The following DIP2A variants were observed in gnomAD, a reference collection of about 807,000 sequenced individuals.
DIP2A encodes disco-interacting protein 2 homolog A.
In DIP2A, 85 loss-of-function variants were observed where a neutral mutation model predicts 177.4. That is an observed-to-expected ratio of 0.48 (90% CI 0.40 to 0.57). The LOEUF (loss-of-function observed/expected upper bound fraction) is 0.57. Among genes scored for constraint, DIP2A ranks in the 20% least tolerant of loss-of-function variants. DIP2A has a pLI of 0.00. For missense variants in DIP2A, 1,791 were observed against 2,100.2 expected (o/e 0.85, Z 2.88); for synonymous variants, 886 against 881.8 (o/e 1.00, Z -0.08).
chr21:46,572,107 T>C (rs1041597553), downstream of DIP2A, among the ~76,000 whole-genome samples: 2 of 152,184 alleles, frequency 1.3e-5, no homozygotes, highest in African/African-American at 4.8e-5. Context: ...GGTTTTAGCT[T>C]TTAATAATAA....
Position 46,551,909 on chromosome 21 carries a change from G to C in DIP2A, c.3030+5G>C. ...TTCTTGCTGCTGAACGCCAAGGTGA[G>C]GCAGTGTCACGCCCACGGGGCTTGG... is the stretch of plus-strand genomic sequence containing the variant. On this transcript the variant is annotated splice_donor_5th_base_variant and intron_variant, in intron 25 of 37. Coordinates refer to ENST00000417564, the MANE Select transcript of DIP2A (RefSeq NM_015151.4). 6.3e-7 allele frequency: 1 copy of C among 1,597,976 alleles called. No homozygotes were observed. Among genetic ancestry groups the C allele is most frequent in the Non-Finnish European group, 8.5e-7 (1 of 1,173,470 alleles).
intron 20 of DIP2A, among the ~76,000 whole-genome samples, chr21:46,546,489 C>A (rs1261387407): frequency 6.6e-6 from 1 of 152,180 alleles, no homozygotes; most frequent in Non-Finnish European, 1.5e-5. Context: ...CAGGACAGCA[C>A]CTGCGATGGT....
At chr21:46,528,514 C>G (rs2839301) in intron 8 of DIP2A, among the ~76,000 whole-genome samples, 38,004 of 98,986 alleles carry the variant, frequency 0.38, 5,995 homozygotes, top group Middle Eastern at 0.55. Flanking sequence ...CAAATACTGA[C>G]TTTTTCTGCT....
intron 18 of DIP2A, 62 bp from the exon 19 acceptor site, chr21:46,545,075 T>C: frequency 4.0e-6 from 6 of 1,485,398 alleles, no homozygotes; most frequent in Non-Finnish European, 5.5e-6. Flanking sequence ...AGCAAGGAGA[T>C]CTTTGTGAGT....
chr21:46,463,991 A>G (rs973002906), intron 1 of DIP2A, among the ~76,000 whole-genome samples: 1 of 151,070 alleles, frequency 6.6e-6, no homozygotes, highest in Non-Finnish European at 1.5e-5. Flanking sequence ...TACAGGCATG[A>G]GCCATCGCGC....
At chr21:46,562,904 G>A (rs1045076622) in intron 34 of DIP2A, among the ~76,000 whole-genome samples, 3 of 152,124 alleles carry the variant, frequency 2.0e-5, no homozygotes, top group Non-Finnish European at 4.4e-5. Context: ...ATCATCCTTG[G>A]TGTAAACTCA....
chr21:46,535,169 A>G (rs1357752482), intron 13 of DIP2A, among the ~76,000 whole-genome samples: 2 of 152,250 alleles, frequency 1.3e-5, no homozygotes, highest in African/African-American at 4.8e-5. Flanking sequence ...ATATATAAGT[A>G]GAATCTTTAT....
In DIP2A at chr21:46,568,507, G is replaced by A. The variant is rs115448966; in HGVS notation, c.*885G>A. ...TGCACTCCAGCCTGGGTGACAGCACGAGATGCCGTCTTAAAAAAACAAAAA... is the reference window on the plus strand; with the variant it reads ...TGCACTCCAGCCTGGGTGACAGCACAAGATGCCGTCTTAAAAAAACAAAAA... On this transcript the variant is annotated 3_prime_UTR_variant, in exon 38 of 38. Coordinates refer to ENST00000417564, the MANE Select transcript of DIP2A (RefSeq NM_015151.4). The A allele has an allele frequency of 0.066, 10,009 of 152,100 alleles. 370 individuals are homozygous for A. Among genetic ancestry groups the A allele is most frequent in the Non-Finnish European group, 0.08 (5,460 of 67,986 alleles). 9.4% of individuals were successfully genotyped at this position (152,100 alleles called of 1,614,324 possible).
In DIP2A at chr21:46,511,558, C is replaced by T; in HGVS notation, c.1046C>T (p.Ser349Phe). ...CGCTGGGGCACAACACAGCCCAAATCCCCCTGTCTGACTGCCTTGGATACA... is the reference window on the plus strand; with the variant it reads ...CGCTGGGGCACAACACAGCCCAAATTCCCCTGTCTGACTGCCTTGGATACA... Reference protein sequence around the residue: ...LQRWGTTQPKSPCLTALDTTG... With the variant: ...LQRWGTTQPKFPCLTALDTTG... The change falls in exon 8 of 38, where the codon TCC becomes TTC. Residue 349 changes from serine to phenylalanine, a missense_variant. Transcript: ENST00000417564. 1.3e-6 allele frequency: 2 copies of T among 1,593,988 alleles called. No individual in the cohort carries two copies. Among genetic ancestry groups the T allele is most frequent in the Non-Finnish European group, 1.7e-6 (2 of 1,170,892 alleles).
At chr21:46,504,620 T>C in intron 6 of DIP2A, 131 bp downstream of exon 6, 1 of 1,099,320 alleles carries the variant, frequency 9.1e-7, no homozygotes, top group African/African-American at 1.6e-5. Context: ...TGCAGATAAA[T>C]AGAAACCAGT....
At chr21:46,570,275 A>G (rs1024608426), downstream of DIP2A, among the ~76,000 whole-genome samples, 9 of 152,136 alleles carry the variant, frequency 5.9e-5, no homozygotes, top group African/African-American at 2.2e-4. Flanking sequence ...ACAGCATGGA[A>G]AAGGCCTCTT....
chr21:46,574,007 A>G (rs1389792392), downstream of DIP2A, among the ~76,000 whole-genome samples: 2 of 152,224 alleles, frequency 1.3e-5, no homozygotes, highest in Non-Finnish European at 2.9e-5. Flanking sequence ...AACTAGATCT[A>G]ACAGACATAT....
At chr21:46,555,714 C>T (rs1170773198) in intron 28 of DIP2A, 4 of 484,514 alleles carry the variant, frequency 8.3e-6, no homozygotes, top group South Asian at 4.2e-5. Context: ...TGGTCAGTGA[C>T]GTGATGCCTC....
intron 8 of DIP2A, among the ~76,000 whole-genome samples, chr21:46,523,134 A>G (rs547223746): frequency 6.6e-6 from 1 of 152,142 alleles, no homozygotes; most frequent in East Asian, 1.9e-4. Context: ...CATGTTGATC[A>G]GGCTGGTCTC....
rs745305605 is a variant in DIP2A at position 46,546,919 on chromosome 21, A to G, written c.2399A>G (p.Asn800Ser). 2 of 1,613,708 alleles carry G rather than the reference A, an allele frequency of 1.2e-6. No homozygotes were observed. Among genetic ancestry groups the G allele is most frequent in the African/African-American group, 1.3e-5 (1 of 74,914 alleles). The change falls in exon 21 of 38, where the codon AAC becomes AGC. Residue 800 changes from asparagine to serine, a missense_variant. Physicochemically the swap from Asn to Ser is conservative, Grantham distance 46. Transcript: ENST00000417564. The part of the protein sequence containing the change: ...TGLLGFIGPD[N>S]LVFIVGKLDG... ...GACGCACACCCTTTCCCTCAGGACA[A>G]CCTGGTCTTCATCGTGGGCAAACTG...
At position 46,563,972 on chromosome 21, in the gene DIP2A, C is replaced by CTCACCAGCT; in HGVS notation, c.4164+46_4164+54dup. ...ATGGGAGGGGCTTGAGCTCTCCAGC[C>CTCACCAGCT]TCACCAGCTTCACCTTCCTTCCCTT... On this transcript the variant is annotated intron_variant, in intron 35 of 37. Coordinates refer to ENST00000417564, the MANE Select transcript of DIP2A (RefSeq NM_015151.4). This position sits in a 1 kb window ranked among gnomAD's most constrained non-coding sequence, Gnocchi z 4.3. 6.3e-7 allele frequency: 1 copy of CTCACCAGCT among 1,582,662 alleles called. No individual in the cohort carries two copies. Among genetic ancestry groups the CTCACCAGCT allele is most frequent in the South Asian group, 1.1e-5 (1 of 88,074 alleles).
At chr21:46,533,925 G>A in intron 11 of DIP2A, 79 bp from the exon 12 acceptor site, 1 of 1,231,740 alleles carries the variant, frequency 8.1e-7, no homozygotes, top group Non-Finnish European at 1.2e-6. Flanking sequence ...AGTGCTGCAT[G>A]TTGGAGGCGC....
chr21:46,551,836 G>A lies in DIP2A; in HGVS notation c.2962G>A (p.Ala988Thr). The A allele has an allele frequency of 6.2e-7, 1 of 1,612,488 alleles. No individual in the cohort carries two copies. Residue 988 changes from alanine (A) to threonine (T), a missense_variant, in exon 25 of 38, where the codon GCT becomes ACT. Ala to Thr is a moderately conservative substitution (Grantham distance 58). Transcript: ENST00000417564. ...SDQARKFLFL[A>T]DVLQWRAHTT... is the part of the protein sequence containing the mutation. Reference sequence around the variant, plus strand: ...CCCTCTCGTGCAGTTCCTGTTCCTGGCTGACGTGCTGCAGTGGCGTGCCCA... The same window carrying A: ...CCCTCTCGTGCAGTTCCTGTTCCTGACTGACGTGCTGCAGTGGCGTGCCCA...
Position 46,537,317 on chromosome 21 carries a change from T to C in DIP2A, c.1707+29T>C, listed in dbSNP as rs769490391. 6.2e-7 allele frequency: 1 copy of C among 1,613,684 alleles called. No homozygotes were observed. Among genetic ancestry groups the C allele is most frequent in the Non-Finnish European group, 8.5e-7 (1 of 1,179,580 alleles). On this transcript the variant is annotated intron_variant, in intron 14 of 37. Coordinates refer to ENST00000417564, the MANE Select transcript of DIP2A (RefSeq NM_015151.4). This position sits in a 1 kb window ranked among gnomAD's most constrained non-coding sequence, Gnocchi z 4.1. ...AGTGTTGTTTGCTGATGACTAACTGTTGGAACAAGGGATTGAGATGAACCC... is the reference window on the plus strand; with the variant it reads ...AGTGTTGTTTGCTGATGACTAACTGCTGGAACAAGGGATTGAGATGAACCC...
Sources: gnomAD v4.1 joint callset for allele counts (sites outside exome capture counted in the v4.1 genomes callset) on GRCh38, gnomAD v4.1.1 for gene constraint, Gnocchi (gnomAD v3.1) non-coding constraint, MANE v1.5 for transcripts, NCBI Gene and HGNC (gene_info 2026-07-23, HGNC 2026-07-21) for gene names.